The following ATF7IP2 variants were observed in gnomAD, a reference collection of about 807,000 sequenced individuals.
The protein encoded by ATF7IP2 is activating transcription factor 7-interacting protein 2.
In ATF7IP2, 42 loss-of-function variants were observed where a neutral mutation model predicts 64.2. The observed-to-expected ratio is 0.65, with a 90% CI of 0.51 to 0.85. ATF7IP2 has a LOEUF of 0.85. Among genes scored for constraint, ATF7IP2 ranks in the 40% least tolerant of loss-of-function variants. The pLI, the probability that ATF7IP2 is intolerant of heterozygous loss-of-function variation, is 0.00. For missense variants in ATF7IP2, 933 were observed against 784.2 expected, an observed-to-expected ratio of 1.19 and a Z score of -2.27; for synonymous variants, 308 against 272.8, an observed-to-expected ratio of 1.13 and a Z score of -1.27.
intron 8 of ATF7IP2, chr16:10,449,461 T>C (rs1277996238): frequency 6.6e-6 from 1 of 152,234 alleles, no homozygotes; most frequent in Non-Finnish European, 1.5e-5. Context: ...GGTAGACTAT[T>C]AATTACTGCC....
At chr16:10,475,328 GC>G (rs1271344199) in intron 12 of ATF7IP2, among the ~76,000 whole-genome samples, 1 of 152,192 alleles carries the variant, frequency 6.6e-6, no homozygotes, top group Non-Finnish European at 1.5e-5. Flanking sequence ...AATGCCTAGA[GC>G]AACAGTTTTT....
At chr16:10,407,906 CTTCT>C (rs1168533540) in intron 1 of ATF7IP2, among the ~76,000 whole-genome samples, 2 of 149,660 alleles carry the variant, frequency 1.3e-5, no homozygotes, top group Admixed American at 6.7e-5. Context: ...TCTTGAGTTA[CTTCT>C]TTCTTTCTTT....
chr16:10,389,071 G>A (rs965950762), intron 1 of ATF7IP2, among the ~76,000 whole-genome samples: 1 of 151,962 alleles, frequency 6.6e-6, no homozygotes, highest in African/African-American at 2.4e-5. Flanking sequence ...TCTCGGGGCT[G>A]TTTTTTTGAG....
At chr16:10,439,538 T>C (rs1432933617) in intron 7 of ATF7IP2, among the ~76,000 whole-genome samples, 1 of 141,210 alleles carries the variant, frequency 7.1e-6, no homozygotes, top group East Asian at 2.1e-4. Flanking sequence ...CCAGCCTTTT[T>C]TTTTTTTTTT....
intron 1 of ATF7IP2, among the ~76,000 whole-genome samples, chr16:10,412,159 T>G (rs1596459969): frequency 6.6e-6 from 1 of 151,796 alleles, no homozygotes; most frequent in East Asian, 1.9e-4. Flanking sequence ...TATTTTTTTT[T>G]TTGTTTCAAT....
At chr16:10,389,515 C>T (rs1433214098) in intron 1 of ATF7IP2, among the ~76,000 whole-genome samples, 3 of 152,160 alleles carry the variant, frequency 2.0e-5, no homozygotes, top group Non-Finnish European at 2.9e-5. Flanking sequence ...TTACCATCCC[C>T]TACCATCCAA....
At chr16:10,472,064 T>C (rs750683218) in intron 9 of ATF7IP2, 46 bp from the exon 10 acceptor site, 2 of 1,034,332 alleles carry the variant, frequency 1.9e-6, no homozygotes, top group African/African-American at 3.2e-5. Flanking sequence ...TTAAGCCTGA[T>C]AATGCATGTT....
chr16:10,470,424 G>C (rs2049748734), intron 9 of ATF7IP2, among the ~76,000 whole-genome samples: 1 of 152,028 alleles, frequency 6.6e-6, no homozygotes, highest in East Asian at 1.9e-4. Context: ...TCATTAAGAT[G>C]TTACTTCACC....
Position 10,438,134 on chromosome 16 carries a change from A to G in ATF7IP2, c.994A>G (p.Ile332Val). 6.3e-7 allele frequency: 1 copy of G among 1,593,812 alleles called. No individual in the cohort carries two copies. The highest frequency in any genetic ancestry group is 8.5e-7 in the Non-Finnish European group (1 of 1,171,588). The change falls in exon 7 of 14, where the codon ATA becomes GTA. Residue 332 changes from isoleucine (I) to valine (V), a missense_variant. Coordinates refer to ENST00000562102, the MANE Select transcript of ATF7IP2 (RefSeq NM_001393719.1). ...TTTGATTCAGCAGGAGATCTATAGCATAAATTATGAACTATTTGATAAGAA... is the reference window on the plus strand; with the variant it reads ...TTTGATTCAGCAGGAGATCTATAGCGTAAATTATGAACTATTTGATAAGAA... ...RHLIQQEIYS[I>V]NYELFDKKLK...
chr16:10,413,197 A>C (rs570521179), intron 1 of ATF7IP2, among the ~76,000 whole-genome samples: 1 of 152,180 alleles, frequency 6.6e-6, no homozygotes, highest in Non-Finnish European at 1.5e-5. Context: ...TCCGTACTCA[A>C]ATCTCAACTT....
intron 1 of ATF7IP2, among the ~76,000 whole-genome samples, chr16:10,410,192 A>G (rs12597052): frequency 6.6e-6 from 1 of 151,902 alleles, no homozygotes; most frequent in Admixed American, 6.6e-5. Flanking sequence ...TATTGTCTCT[A>G]CCCATCCGTG....
intron 12 of ATF7IP2, among the ~76,000 whole-genome samples, chr16:10,475,718 G>A (rs1328342502): frequency 6.6e-4 from 14 of 21,278 alleles, no homozygotes; most frequent in East Asian, 2.9e-3. Flanking sequence ...AATCTAAGAA[G>A]CCAGAAAAAA....
At chr16:10,386,260 G>A (rs1009871541) in intron 1 of ATF7IP2, 138 bp downstream of exon 1, 1 of 152,264 alleles carries the variant, frequency 6.6e-6, no homozygotes, top group African/African-American at 2.4e-5. Context: ...CGGCGAAGCT[G>A]CCCTGACTGA....
At chr16:10,394,148 G>A (rs1336742500) in intron 1 of ATF7IP2, among the ~76,000 whole-genome samples, 1 of 152,182 alleles carries the variant, frequency 6.6e-6, no homozygotes, top group Non-Finnish European at 1.5e-5. Flanking sequence ...GTTTACAGGA[G>A]ACAGACTTTG....
At chr16:10,438,878 C>T (rs1248245629) in intron 7 of ATF7IP2, among the ~76,000 whole-genome samples, 8 of 151,952 alleles carry the variant, frequency 5.3e-5, no homozygotes, top group Non-Finnish European at 1.0e-4. Flanking sequence ...CATAGTGAAA[C>T]CCAATCTCTC....
intron 3 of ATF7IP2, among the ~76,000 whole-genome samples, chr16:10,421,703 C>A (rs772724444): frequency 2.6e-4 from 40 of 152,162 alleles, no homozygotes; most frequent in Non-Finnish European, 4.6e-4. Flanking sequence ...TCTAGTGGGG[C>A]AGCACAAAGT....
chr16:10,398,317 T>A (rs7500617), intron 1 of ATF7IP2, among the ~76,000 whole-genome samples: 21 of 147,474 alleles, frequency 1.4e-4, no homozygotes, highest in African/African-American at 3.3e-4. Context: ...AAAAAAAAAA[T>A]AATAATAAAT....
intron 9 of ATF7IP2, among the ~76,000 whole-genome samples, chr16:10,470,471 G>T (rs985215342): frequency 6.6e-6 from 1 of 152,044 alleles, no homozygotes; most frequent in Non-Finnish European, 1.5e-5. Flanking sequence ...AGCCGTTTTT[G>T]TAGTAAGTAA....
chr16:10,474,118 T>A, intron 12 of ATF7IP2, 129 bp downstream of exon 12: 1 of 608,476 alleles, frequency 1.6e-6, no homozygotes, highest in Non-Finnish European at 2.9e-6. Flanking sequence ...CTGTGCAGTT[T>A]TAGCTCATGT....
Sources: allele counts gnomAD v4.1 joint callset (sites outside exome capture counted in the v4.1 genomes callset), GRCh38; gene constraint gnomAD v4.1.1; transcripts MANE v1.5; gene names NCBI Gene and HGNC (gene_info 2026-07-23, HGNC 2026-07-21).